Variants in LAMA2 observed in about 807,000 individuals in gnomAD.
The protein encoded by LAMA2 is laminin subunit alpha-2.
In LAMA2, 269 loss-of-function variants were observed where a neutral mutation model predicts 364.8. The ratio of observed to expected loss-of-function variants is 0.74; its 90% confidence interval spans 0.67 to 0.82. LAMA2 has a LOEUF of 0.82. Ranked by LOEUF, LAMA2 falls within the 40% of genes least tolerant of loss-of-function variation. The pLI, the probability that LAMA2 is intolerant of heterozygous loss-of-function variation, is 0.00. For synonymous variants in LAMA2, 1,379 were observed against 1,370.6 expected (o/e 1.01, Z -0.14); for missense variants, 3,807 against 3,873.2 (o/e 0.98, Z 0.45).
intron 1 of LAMA2, among the ~76,000 whole-genome samples, chr6:128,928,032 G>C (rs1779204414): frequency 6.6e-6 from 1 of 152,206 alleles, no homozygotes; most frequent in African/African-American, 2.4e-5. Flanking sequence ...GACAGGCAAT[G>C]GGGAGTTAAG....
intron 1 of LAMA2, among the ~76,000 whole-genome samples, chr6:128,951,765 T>G (rs937416240): frequency 2.0e-4 from 31 of 152,354 alleles, no homozygotes; most frequent in African/African-American, 7.0e-4. Context: ...GAAATGTTGT[T>G]TATCCACTTT....
chr6:129,055,127 A>G (rs1337826121), intron 2 of LAMA2, among the ~76,000 whole-genome samples: 2 of 150,252 alleles, frequency 1.3e-5, no homozygotes. Context: ...ATTTACCTGT[A>G]GTGTTTTCTA....
chr6:128,942,881 G>A (rs1582734650), intron 1 of LAMA2, among the ~76,000 whole-genome samples: 1 of 152,136 alleles, frequency 6.6e-6, no homozygotes, highest in East Asian at 1.9e-4. Flanking sequence ...GGGAGCTGAG[G>A]TATTGTTTGA....
At chr6:129,465,043 C>G (rs1783469075) in intron 50 of LAMA2, 102 bp from the exon 51 acceptor site, 6 of 911,816 alleles carry the variant, frequency 6.6e-6, no homozygotes, top group Admixed American at 1.7e-5. Context: ...ACATATTCAG[C>G]AATTTAGCCA....
At chr6:129,253,842 A>G (rs1786436745) in intron 14 of LAMA2, among the ~76,000 whole-genome samples, 1 of 152,230 alleles carries the variant, frequency 6.6e-6, no homozygotes, top group Non-Finnish European at 1.5e-5. Flanking sequence ...GCCATACAGG[A>G]GGAATGCATT....
At chr6:129,362,157 C>G (rs1777502038) in intron 32 of LAMA2, among the ~76,000 whole-genome samples, 1 of 152,044 alleles carries the variant, frequency 6.6e-6, no homozygotes, top group African/African-American at 2.4e-5. Context: ...TTCTTTCCTC[C>G]TAAAGTTTTG....
chr6:129,391,562 G>A lies in LAMA2; in HGVS notation c.5143G>A (p.Glu1715Lys), dbSNP rs539321303. 16 of 1,613,766 alleles carry A rather than the reference G, an allele frequency of 9.9e-6. No individual in the cohort carries two copies. In the Admixed American group the frequency reaches 1.5e-4, roughly 15 times the overall value. ...TRDEAFERNL[E>K]GLQKEIDQMI... The stretch of plus-strand genomic sequence containing the variant: ...AGACGAGGCCTTTGAGAGAAATTTG[G>A]AAGGGCTTCAGAAAGAGATTGACCA... The change falls in exon 36 of 65, where the codon GAA becomes AAA. Residue 1715 changes from glutamate to lysine, a missense_variant. Physicochemically the swap from Glu to Lys is moderately conservative, Grantham distance 56. Around this residue, in one of 3 missense-constraint regions of LAMA2, gnomAD observed 3,333 missense variants for 3,345.7 expected, o/e 1.00. Transcript: ENST00000421865.
At chr6:128,929,833 C>G in intron 1 of LAMA2, 1 of 1,034,506 alleles carries the variant, frequency 9.7e-7, no homozygotes, top group Non-Finnish European at 1.5e-6. Context: ...TACGCAGTCC[C>G]TTGTAAGTGA....
intron 1 of LAMA2, among the ~76,000 whole-genome samples, chr6:128,973,459 T>C (rs943061616): frequency 6.6e-6 from 1 of 152,250 alleles, no homozygotes; most frequent in African/African-American, 2.4e-5. Context: ...AAATGTATTA[T>C]TTTGTGCCTC....
intron 49 of LAMA2, among the ~76,000 whole-genome samples, chr6:129,461,231 A>G (rs1783239135): frequency 6.6e-6 from 1 of 152,030 alleles, no homozygotes; most frequent in African/African-American, 2.4e-5. Context: ...TTTTCCATTT[A>G]AAGGATATAC....
At chr6:129,084,195 A>C (rs1012068815) in intron 3 of LAMA2, among the ~76,000 whole-genome samples, 1 of 152,206 alleles carries the variant, frequency 6.6e-6, no homozygotes, top group African/African-American at 2.4e-5. Context: ...AATGCTAGCC[A>C]AAGCAGGTTT....
intron 3 of LAMA2, among the ~76,000 whole-genome samples, chr6:129,092,540 A>T (rs890413636): frequency 6.6e-6 from 1 of 152,236 alleles, no homozygotes; most frequent in Non-Finnish European, 1.5e-5. Context: ...ATCACAGTAC[A>T]TGGAAATGTT....
At chr6:129,391,041 G>T (rs1008210378) in intron 35 of LAMA2, among the ~76,000 whole-genome samples, 50 of 152,124 alleles carry the variant, frequency 3.3e-4, no homozygotes, top group African/African-American at 1.1e-3. Context: ...ACAAGGGCAG[G>T]TTCATTTTCA....
chr6:129,049,853 T>A (rs1787867995), intron 1 of LAMA2, 65 bp from the exon 2 acceptor site: 8 of 1,444,254 alleles, frequency 5.5e-6, no homozygotes, highest in Non-Finnish European at 7.8e-6. Flanking sequence ...CAATTGCTTT[T>A]AAAATGTATC....
chr6:129,379,241 G>T (rs1447732247), intron 34 of LAMA2, among the ~76,000 whole-genome samples: 3 of 152,036 alleles, frequency 2.0e-5, no homozygotes, highest in Non-Finnish European at 2.9e-5. Flanking sequence ...GGATGGAGAG[G>T]ATTAGGAAGA....
At chr6:129,133,844 A>G (rs1777633002) in intron 4 of LAMA2, among the ~76,000 whole-genome samples, 1 of 151,348 alleles carries the variant, frequency 6.6e-6, no homozygotes, top group African/African-American at 2.4e-5. Context: ...CTCGTAAAAT[A>G]CACACACACA....
intron 12 of LAMA2, among the ~76,000 whole-genome samples, chr6:129,233,209 C>A (rs1319953687): frequency 1.3e-5 from 2 of 152,126 alleles, no homozygotes; most frequent in Non-Finnish European, 2.9e-5. Context: ...TATTCACCTA[C>A]AGAACCATGA....
intron 40 of LAMA2, 86 bp from the exon 41 acceptor site, chr6:129,427,666 A>C: frequency 1.1e-6 from 1 of 941,606 alleles, no homozygotes; most frequent in Non-Finnish European, 1.7e-6. Flanking sequence ...CCTAAAGGCA[A>C]ACTCTGTGTA....
intron 32 of LAMA2, among the ~76,000 whole-genome samples, chr6:129,359,248 T>C (rs1777322935): frequency 6.9e-6 from 1 of 144,954 alleles, no homozygotes; most frequent in African/African-American, 2.5e-5. Context: ...GAATTTTATT[T>C]AATATATATA....
Sources: gnomAD v4.1 joint callset for allele counts (sites outside exome capture counted in the v4.1 genomes callset) on GRCh38, gnomAD v4.1.1 for gene constraint, gnomAD v4.1.1 regional missense constraint, MANE v1.5 for transcripts, NCBI Gene and HGNC (gene_info 2026-07-23, HGNC 2026-07-21) for gene names.